ATP11A: variants seen among roughly 807,000 people sequenced by gnomAD.
ATP11A encodes ATPase phospholipid transporting 11A.
ATP11A carries 81 observed loss-of-function variants against 154.4 expected under a neutral mutation model. That is an observed-to-expected ratio of 0.52 (90% CI 0.44 to 0.63). The LOEUF (loss-of-function observed/expected upper bound fraction) is 0.63, where lower values mean the gene tolerates loss of function less well. ATP11A is among the 30% of genes least tolerant of loss of function. The pLI is 0.00. For synonymous variants in ATP11A, 623 were observed against 585.9 expected (o/e 1.06, Z -0.91); for missense variants, 1,316 against 1,474.3 (o/e 0.89, Z 1.76).
chr13:112,873,952 G>A (rs573481357), intron 27 of ATP11A, among the ~76,000 whole-genome samples: 7 of 152,256 alleles, frequency 4.6e-5, no homozygotes, highest in East Asian at 3.9e-4. Context: ...CCAGGATTCC[G>A]CACCAGGGGA....
intron 1 of ATP11A, among the ~76,000 whole-genome samples, chr13:112,777,927 T>C (rs897855014): frequency 6.6e-6 from 1 of 152,120 alleles, no homozygotes; most frequent in African/African-American, 2.4e-5. Context: ...TCGGAGGTGC[T>C]CTTATGGCAC....
chr13:112,833,175 C>A (rs940947585), intron 14 of ATP11A, 152 bp downstream of exon 14: 73 of 982,516 alleles, frequency 7.4e-5, no homozygotes, highest in Middle Eastern at 3.4e-4. Context: ...CTTCTCTGGA[C>A]CCCCGTCCCT....
intron 8 of ATP11A, among the ~76,000 whole-genome samples, chr13:112,822,672 G>A (rs1351872663): frequency 6.6e-6 from 1 of 150,672 alleles, no homozygotes; most frequent in Non-Finnish European, 1.5e-5. Context: ...GTTCACCTGA[G>A]CCCAGGAGGT....
intron 1 of ATP11A, among the ~76,000 whole-genome samples, chr13:112,718,123 C>T (rs937461996): frequency 2.6e-5 from 4 of 152,316 alleles, no homozygotes; most frequent in Admixed American, 1.3e-4. Flanking sequence ...CCCTGCCCCC[C>T]ACCCCGCCAA....
chr13:112,800,622 G>GA (rs1335499310), intron 2 of ATP11A, among the ~76,000 whole-genome samples: 2 of 151,386 alleles, frequency 1.3e-5, no homozygotes, highest in Non-Finnish European at 2.9e-5. Flanking sequence ...AATAGAAGCG[G>GA]AAGGAACATT....
At position 112,825,430 on chromosome 13, in the gene ATP11A, A is replaced by T. The variant is rs1283128233; in HGVS notation, c.873A>T (p.Lys291Asn). The change falls in exon 11 of 30, where the codon AAA becomes AAT. Residue 291 changes from lysine (K) to asparagine (N), a missense_variant and splice_region_variant. Lys to Asn is a moderately conservative substitution (Grantham distance 94). Coordinates refer to ENST00000375645, the MANE Select transcript of ATP11A (RefSeq NM_015205.3). ...GATCACCTCTGTCCTTTTGTTTTAG[A>T]TCGATGAATGCGTTCCTCATTGTGT... ...SKSQKRSAVE[K>N]SMNAFLIVYL... 6.2e-7 allele frequency: 1 copy of T among 1,608,008 alleles called. No individual in the cohort carries two copies. The highest frequency in any genetic ancestry group is 8.5e-7 in the Non-Finnish European group (1 of 1,176,988).
At chr13:112,824,308 C>G (rs767411997) in intron 9 of ATP11A, 36 bp from the exon 10 acceptor site, 139 of 1,540,794 alleles carry the variant, frequency 9.0e-5, no homozygotes, top group Non-Finnish European at 1.2e-4. Context: ...GACACACTTG[C>G]GCCCTGGTCA....
At chr13:112,758,712 C>T (rs1379303740) in intron 1 of ATP11A, among the ~76,000 whole-genome samples, 3 of 152,188 alleles carry the variant, frequency 2.0e-5, no homozygotes, top group Non-Finnish European at 4.4e-5. Flanking sequence ...CGTGAGCCAC[C>T]GCTCCCAGCC....
intron 1 of ATP11A, among the ~76,000 whole-genome samples, chr13:112,710,243 T>C (rs867871369): frequency 1.8e-4 from 28 of 152,170 alleles, no homozygotes; most frequent in African/African-American, 6.5e-4. Flanking sequence ...TGGGGGCCCT[T>C]TGGAAAGGCT....
At position 112,807,570 on chromosome 13, in the gene ATP11A, C is replaced by T. The variant is rs913760999; in HGVS notation, c.333+1277C>T. Among the ~76,000 whole-genome samples the T allele has an allele frequency of 1.3e-5, 2 of 152,160 alleles. No individual in the cohort carries two copies. The highest frequency in any genetic ancestry group is 4.8e-5 in the African/African-American group (2 of 41,432). ...AGTTTAACTCCTACCTGGGATAAGG[C>T]CTCACTTCATGTCGGTGGCAGGCTC... On this transcript the variant is annotated intron_variant, in intron 4 of 29. Coordinates refer to ENST00000375645, the MANE Select transcript of ATP11A (RefSeq NM_015205.3). This position sits in a 1 kb window ranked among gnomAD's most constrained non-coding sequence, Gnocchi z 4.5.
intron 2 of ATP11A, 95 bp from the exon 3 acceptor site, chr13:112,804,862 A>G: frequency 1.5e-6 from 1 of 655,500 alleles, no homozygotes; most frequent in Non-Finnish European, 2.5e-6. Context: ...AACATTTTGT[A>G]CTGTAAAATC....
At position 112,873,553 on chromosome 13, in the gene ATP11A, C is replaced by G. The variant is rs749004219; in HGVS notation, c.3058-20C>G. On this transcript the variant is annotated intron_variant, in intron 26 of 29. Transcript: ENST00000375645. Reference sequence around the variant, plus strand: ...CTGCTCAGATGACACCGTTAACTGCCCTTTTTTTTTTCCTTTTAGCTTGCA... The same window carrying G: ...CTGCTCAGATGACACCGTTAACTGCGCTTTTTTTTTTCCTTTTAGCTTGCA... 1.3e-6 allele frequency: 2 copies of G among 1,564,572 alleles called. No homozygotes were observed. The highest frequency in any genetic ancestry group is 1.7e-6 in the Non-Finnish European group (2 of 1,152,680).
chr13:112,768,175 G>C lies in ATP11A; in HGVS notation c.40-16960G>C, dbSNP rs142156987. Among the ~76,000 whole-genome samples the C allele has an allele frequency of 3.6e-4, 55 of 152,342 alleles. No homozygotes were observed. In the South Asian group the frequency reaches 9.7e-3, roughly 27 times the overall value. Reference sequence around the variant, plus strand: ...TTTTATTCCGGCCTCCCAAGATTGCGTGGAGCCCGGCCACTGCCAGGGCGG... The same window carrying C: ...TTTTATTCCGGCCTCCCAAGATTGCCTGGAGCCCGGCCACTGCCAGGGCGG... On this transcript the variant is annotated intron_variant, in intron 1 of 29. Coordinates refer to ENST00000375645, the MANE Select transcript of ATP11A (RefSeq NM_015205.3).
intron 27 of ATP11A, among the ~76,000 whole-genome samples, chr13:112,874,960 C>A (rs1167945849): frequency 6.6e-6 from 1 of 152,188 alleles, no homozygotes; most frequent in Admixed American, 6.5e-5. Context: ...CACATTGTTT[C>A]CTAAAACATT....
At chr13:112,711,655 A>G (rs974333273) in intron 1 of ATP11A, among the ~76,000 whole-genome samples, 1 of 152,202 alleles carries the variant, frequency 6.6e-6, no homozygotes, top group Non-Finnish European at 1.5e-5. Context: ...GCGTTGAGCC[A>G]GGGGTCAGGG....
chr13:112,774,944 G>A (rs759232198), intron 1 of ATP11A, among the ~76,000 whole-genome samples: 8 of 152,226 alleles, frequency 5.3e-5, no homozygotes, highest in African/African-American at 1.9e-4. Context: ...CACGGGAGCC[G>A]CAGAGTTGCA....
intron 15 of ATP11A, among the ~76,000 whole-genome samples, chr13:112,835,102 C>T (rs2079196670): frequency 6.6e-6 from 1 of 151,950 alleles, no homozygotes; most frequent in Admixed American, 6.6e-5. Context: ...AGCGTCGTGT[C>T]GAAAACAGTT....
chr13:112,768,671 A>G (rs1566453513), intron 1 of ATP11A, among the ~76,000 whole-genome samples: 1 of 152,152 alleles, frequency 6.6e-6, no homozygotes, highest in Non-Finnish European at 1.5e-5. Context: ...TTGTTTGTGA[A>G]TTGGGATATG....
At chr13:112,741,735 T>C (rs1159046623) in intron 1 of ATP11A, among the ~76,000 whole-genome samples, 3 of 152,172 alleles carry the variant, frequency 2.0e-5, no homozygotes, top group African/African-American at 7.2e-5. Flanking sequence ...CTGTTTTTGT[T>C]TGTGGCTCTC....
Sources: gnomAD v4.1 joint callset for allele counts (sites outside exome capture counted in the v4.1 genomes callset) on GRCh38, gnomAD v4.1.1 for gene constraint, Gnocchi (gnomAD v3.1) non-coding constraint, MANE v1.5 for transcripts, NCBI Gene and HGNC (gene_info 2026-07-23, HGNC 2026-07-21) for gene names.